Variants in SLIT3 observed in about 807,000 individuals in gnomAD.
The protein encoded by SLIT3 is slit homolog 3 protein.
In SLIT3, 68 loss-of-function variants were observed where a neutral mutation model predicts 184.0. The ratio of observed to expected loss-of-function variants is 0.37; its 90% CI spans 0.30 to 0.45. The LOEUF (loss-of-function observed/expected upper bound fraction) is 0.45. Among genes scored for constraint, SLIT3 ranks in the 20% least tolerant of loss-of-function variants. The pLI, the probability that SLIT3 is intolerant of heterozygous loss-of-function variation, is 1.00. For synonymous variants in SLIT3, 831 were observed against 828.6 expected, an observed-to-expected ratio of 1.00 and a Z score of -0.05; for missense variants, 1,707 against 2,026.0, an observed-to-expected ratio of 0.84 and a Z score of 3.02.
intron 4 of SLIT3, among the ~76,000 whole-genome samples, chr5:169,142,938 A>G (rs1194859569): frequency 6.6e-6 from 1 of 152,196 alleles, no homozygotes; most frequent in African/African-American, 2.4e-5. Flanking sequence ...AAAAGAATAT[A>G]TCTTTGGAGC....
At chr5:169,176,495 C>G (rs1329783324) in intron 4 of SLIT3, among the ~76,000 whole-genome samples, 1 of 152,048 alleles carries the variant, frequency 6.6e-6, no homozygotes, top group Non-Finnish European at 1.5e-5. Flanking sequence ...TAAGTGATAA[C>G]CATCCTAGAT....
At chr5:169,115,151 C>A (rs978662200) in intron 4 of SLIT3, among the ~76,000 whole-genome samples, 1 of 152,160 alleles carries the variant, frequency 6.6e-6, no homozygotes, top group African/African-American at 2.4e-5. Context: ...GCAAGGAATA[C>A]AAATCGTTCT....
rs962410455 is a variant in SLIT3 at position 168,662,767 on chromosome 5, C to T, written c.*3687G>A. 1 of 152,222 alleles carries T rather than the reference C, an allele frequency of 6.6e-6. No individual in the cohort carries two copies. Among genetic ancestry groups the T allele is most frequent in the African/African-American group, 2.4e-5 (1 of 41,456 alleles). 9.4% of individuals were successfully genotyped at this position (152,222 alleles called of 1,614,324 possible). On this transcript the variant is annotated 3_prime_UTR_variant, in exon 36 of 36. Coordinates refer to ENST00000519560, the MANE Select transcript of SLIT3 (RefSeq NM_003062.4). ...TCCTGAATCCTGCTCAGGGGGGACACAGCTTGAGCGGCCTCTTCTGCCCAC... is the reference window on the plus strand; with the variant it reads ...TCCTGAATCCTGCTCAGGGGGGACATAGCTTGAGCGGCCTCTTCTGCCCAC...
In SLIT3 at chr5:168,778,533, G is replaced by A. The variant is rs574697708; in HGVS notation, c.1152-4155C>T. On this transcript the variant is annotated intron_variant, in intron 12 of 35. Coordinates refer to ENST00000519560, the MANE Select transcript of SLIT3 (RefSeq NM_003062.4). ...CATCAGAAGTCCTCCTGACTCCCAG[G>A]AAGGAGCTTCAGCGTGTGATGCTGA... Among the ~76,000 whole-genome samples, 7 of 152,328 alleles carry A rather than the reference G, an allele frequency of 4.6e-5. No individual in the cohort carries two copies. The South Asian group carries it at 1.4e-3, about 32-fold the overall frequency.
In SLIT3 at chr5:168,662,094, T is replaced by TG. The variant is rs1156876577; in HGVS notation, c.*4359dup. The TG allele has an allele frequency of 6.6e-6, 1 of 152,266 alleles. No individual in the cohort carries two copies. Among genetic ancestry groups the TG allele is most frequent in the Non-Finnish European group, 1.5e-5 (1 of 68,068 alleles). The allele number at this position is 152,266 out of a possible 1,614,324, so 9.4% of individuals were successfully genotyped here. A position where few individuals can be genotyped will look rare whatever the true frequency, so the allele number is the denominator to read the frequency against. On this transcript the variant is annotated 3_prime_UTR_variant, in exon 36 of 36. Coordinates refer to ENST00000519560, the MANE Select transcript of SLIT3 (RefSeq NM_003062.4). ...CTATGCCCTCTGCTTCCCCATCATG[T>TG]GGGGACCATCTGCCTGGACATCCAC...
chr5:169,121,938 T>C (rs1230410722), intron 4 of SLIT3, among the ~76,000 whole-genome samples: 2 of 152,230 alleles, frequency 1.3e-5, no homozygotes, highest in African/African-American at 4.8e-5. Flanking sequence ...ATTTGACTGA[T>C]TTCTCAGAGA....
chr5:168,866,850 G>A (rs955745168), intron 5 of SLIT3, among the ~76,000 whole-genome samples: 2 of 152,218 alleles, frequency 1.3e-5, no homozygotes, highest in Non-Finnish European at 1.5e-5. Flanking sequence ...CTTACTGTGT[G>A]TTAGTGCTAA....
At chr5:168,698,725 C>T (rs1762130513) in intron 27 of SLIT3, among the ~76,000 whole-genome samples, 1 of 152,090 alleles carries the variant, frequency 6.6e-6, no homozygotes, top group Non-Finnish European at 1.5e-5. Context: ...AGGTGCTGGC[C>T]CGATGCAGAA....
At chr5:169,160,959 G>A (rs984296025) in intron 4 of SLIT3, among the ~76,000 whole-genome samples, 1 of 152,136 alleles carries the variant, frequency 6.6e-6, no homozygotes, top group East Asian at 1.9e-4. Context: ...CAGAGATGGT[G>A]GCCAAAAAAG....
intron 4 of SLIT3, among the ~76,000 whole-genome samples, chr5:169,043,645 A>C (rs1038134315): frequency 6.6e-6 from 1 of 152,208 alleles, no homozygotes; most frequent in African/African-American, 2.4e-5. Context: ...TTATGCTCTG[A>C]TTTTAATTTC....
At chr5:168,867,978 A>G (rs1759368854) in intron 5 of SLIT3, among the ~76,000 whole-genome samples, 1 of 152,202 alleles carries the variant, frequency 6.6e-6, no homozygotes. Context: ...TTTGCCCAAC[A>G]TGGTATGGAC....
Position 168,712,263 on chromosome 5 carries a change from G to A in SLIT3, c.2555+20C>T, listed in dbSNP as rs1435906326. 1.2e-6 allele frequency: 2 copies of A among 1,603,818 alleles called. No homozygotes were observed. The highest frequency in any genetic ancestry group is 4.5e-5 in the East Asian group (2 of 44,832). Reference sequence around the variant, plus strand: ...CTTTCATGTTTTGAATGTTCATTGGGGAGAAACACTGCTACTTACAGATGG... The same window carrying A: ...CTTTCATGTTTTGAATGTTCATTGGAGAGAAACACTGCTACTTACAGATGG... On this transcript the variant is annotated intron_variant, in intron 24 of 35. Coordinates refer to ENST00000519560, the MANE Select transcript of SLIT3 (RefSeq NM_003062.4).
chr5:169,294,455 G>C (rs1767443785), intron 1 of SLIT3, among the ~76,000 whole-genome samples: 1 of 152,138 alleles, frequency 6.6e-6, no homozygotes, highest in African/African-American at 2.4e-5. Flanking sequence ...GCAGGACCAA[G>C]AGCAGAGAGA....
At position 168,979,447 on chromosome 5, in the gene SLIT3, C is replaced by G. The variant is rs140494510; in HGVS notation, c.414-96111G>C. Among the ~76,000 whole-genome samples, 26 of 152,286 alleles carry G rather than the reference C, an allele frequency of 1.7e-4. No individual in the cohort carries two copies. The East Asian group carries it at 5.0e-3, about 29-fold the overall frequency. On this transcript the variant is annotated intron_variant, in intron 4 of 35. Coordinates refer to ENST00000519560, the MANE Select transcript of SLIT3 (RefSeq NM_003062.4). ...CAACAATCAGAGAGGCAGAGGATAC[C>G]AAACCCAAAGGAACTCTTCCCCTGT...
chr5:168,848,443 A>C (rs1291453960), intron 5 of SLIT3, among the ~76,000 whole-genome samples: 2 of 152,186 alleles, frequency 1.3e-5, no homozygotes, highest in Admixed American at 1.3e-4. Flanking sequence ...GAAGGCAAGA[A>C]ATTTTGGGAA....
At chr5:168,873,419 C>T (rs116781235) in intron 5 of SLIT3, among the ~76,000 whole-genome samples, 2,101 of 151,082 alleles carry the variant, frequency 0.014, 57 homozygotes, top group African/African-American at 0.048. Context: ...CACTTGAACC[C>T]AGTAGTTCAA....
chr5:168,969,244 A>T (rs1171263345), intron 4 of SLIT3, among the ~76,000 whole-genome samples: 1 of 152,212 alleles, frequency 6.6e-6, no homozygotes, highest in Non-Finnish European at 1.5e-5. Context: ...AAACAGACAC[A>T]GTGGAGGCAG....
chr5:168,843,642 G>A (rs540774763), intron 6 of SLIT3, among the ~76,000 whole-genome samples: 1 of 152,298 alleles, frequency 6.6e-6, no homozygotes, highest in South Asian at 2.1e-4. Flanking sequence ...CTAATCAGTG[G>A]CAGAATCCGG....
chr5:169,189,075 A>G (rs75844341), intron 4 of SLIT3, among the ~76,000 whole-genome samples: 12,435 of 152,204 alleles, frequency 0.082, 559 homozygotes, highest in Middle Eastern at 0.092. Flanking sequence ...CCACAGCGAT[A>G]TAAGTTCAGG....
Sources: allele counts gnomAD v4.1 joint callset (sites outside exome capture counted in the v4.1 genomes callset), GRCh38; gene constraint gnomAD v4.1.1; transcripts MANE v1.5; gene names NCBI Gene and HGNC (gene_info 2026-07-23, HGNC 2026-07-21).